Variants in ASCC3 observed in about 807,000 individuals in gnomAD.
The protein encoded by ASCC3 is ASC-1 complex subunit P200.
In ASCC3, 158 loss-of-function variants were observed where a neutral mutation model predicts 256.3. That is an observed-to-expected ratio of 0.62 (90% CI 0.54 to 0.70). The LOEUF (loss-of-function observed/expected upper bound fraction) is 0.70, where lower values mean the gene tolerates loss of function less well. Among genes scored for constraint, ASCC3 ranks in the 30% least tolerant of loss-of-function variants. The pLI, the probability that ASCC3 is intolerant of heterozygous loss-of-function variation, is 0.00. For synonymous variants in ASCC3, 948 were observed against 883.4 expected, an observed-to-expected ratio of 1.07 and a Z score of -1.30; for missense variants, 2,259 against 2,626.0, an observed-to-expected ratio of 0.86 and a Z score of 3.05.
intron 14 of ASCC3, among the ~76,000 whole-genome samples, chr6:100,667,452 T>C (rs1314445809): frequency 1.3e-5 from 2 of 152,102 alleles, no homozygotes; most frequent in African/African-American, 4.8e-5. Flanking sequence ...AAGGAGCCAA[T>C]TCAAGTTTTT....
At chr6:100,783,773 T>A (rs1464842387) in intron 8 of ASCC3, among the ~76,000 whole-genome samples, 1 of 152,206 alleles carries the variant, frequency 6.6e-6, no homozygotes, top group Non-Finnish European at 1.5e-5. Flanking sequence ...GGTAAATACA[T>A]AAGATAATAT....
chr6:100,832,791 G>A (rs1315964233), intron 4 of ASCC3, among the ~76,000 whole-genome samples: 1 of 151,984 alleles, frequency 6.6e-6, no homozygotes, highest in Non-Finnish European at 1.5e-5. Flanking sequence ...AAGGGTAGGG[G>A]AAGAATGATA....
Position 100,821,378 on chromosome 6 carries a change from A to G in ASCC3, c.802-15498T>C, listed in dbSNP as rs896892016. 6.0e-5 allele frequency among the ~76,000 whole-genome samples: 9 copies of G among 149,640 alleles called. No homozygotes were observed. In the Admixed American group the frequency reaches 6.2e-4, roughly 10 times the overall value. The stretch of plus-strand genomic sequence containing the variant: ...AATTCCCTCTAGGTATACACCTAAG[A>G]GAACTGAAATACGTGTCCAATCAAA... On this transcript the variant is annotated intron_variant, in intron 4 of 41. Coordinates refer to ENST00000369162, the MANE Select transcript of ASCC3 (RefSeq NM_006828.4).
chr6:100,615,943 T>A (rs1367742078), intron 30 of ASCC3, among the ~76,000 whole-genome samples: 1 of 152,230 alleles, frequency 6.6e-6, no homozygotes, highest in Non-Finnish European at 1.5e-5. Context: ...GGGGTGGGAA[T>A]TTTGTACCAT....
At chr6:100,768,818 CA>C (rs1042223614) in intron 8 of ASCC3, among the ~76,000 whole-genome samples, 4 of 151,896 alleles carry the variant, frequency 2.6e-5, no homozygotes, top group African/African-American at 9.7e-5. Flanking sequence ...TATTCTTGGT[CA>C]AAAAACAAGT....
rs376888816 is a variant in ASCC3, at chr6:100,582,800, T to C, written c.5550+6834A>G. ...TATTGAGAGTTTTTAGCATGAAGGG[T>C]TGTTGAATTTTGTCAAAGGCCTTTC... On this transcript the variant is annotated intron_variant, in intron 36 of 41. Coordinates refer to ENST00000369162, the MANE Select transcript of ASCC3 (RefSeq NM_006828.4). Among the ~76,000 whole-genome samples the C allele has an allele frequency of 5.3e-5, 8 of 152,016 alleles. No individual in the cohort carries two copies. In the East Asian group the frequency reaches 5.8e-4, roughly 11 times the overall value.
At chr6:100,680,926 A>G (rs1187957121) in intron 13 of ASCC3, among the ~76,000 whole-genome samples, 1 of 152,150 alleles carries the variant, frequency 6.6e-6, no homozygotes, top group Non-Finnish European at 1.5e-5. Context: ...GGCTCATGTG[A>G]GCTGACCTAA....
chr6:100,599,641 G>A (rs539739797), intron 34 of ASCC3, among the ~76,000 whole-genome samples: 4 of 145,696 alleles, frequency 2.7e-5, no homozygotes, highest in Non-Finnish European at 6.0e-5. Context: ...TTTTTTTTTT[G>A]CAATTTAAAA....
At chr6:100,695,040 A>G (rs1030066257) in intron 13 of ASCC3, among the ~76,000 whole-genome samples, 18 of 152,202 alleles carry the variant, frequency 1.2e-4, no homozygotes, top group Non-Finnish European at 1.9e-4. Flanking sequence ...GACAAATCCA[A>G]TAACATTTAC....
Position 100,652,753 on chromosome 6 carries a change from T to A in ASCC3, c.2960A>T (p.His987Leu), listed in dbSNP as rs1169829975. Residue 987 changes from histidine to leucine, a missense_variant, in exon 18 of 42, where the codon CAT (histidine) becomes CTT (leucine). Physicochemically the swap from His to Leu is moderately conservative, Grantham distance 99. Around this residue, in one of 2 missense-constraint regions of ASCC3, gnomAD observed 1,839 missense variants for 2,206.7 expected, o/e 0.83. Coordinates refer to ENST00000369162, the MANE Select transcript of ASCC3 (RefSeq NM_006828.4). ...AATGGTGTTGTATTTAATATAGTAA[T>A]GGCTGGCAGTTCTACCCAAATCAGT... is the stretch of plus-strand genomic sequence containing the variant. ...SSTDLGRTAS[H>L]YYIKYNTIET... is the part of the protein sequence containing the mutation. 1.2e-6 allele frequency: 2 copies of A among 1,613,902 alleles called. No homozygotes were observed. Among genetic ancestry groups the A allele is most frequent in the South Asian group, 1.1e-5 (1 of 91,076 alleles).
intron 37 of ASCC3, among the ~76,000 whole-genome samples, chr6:100,538,126 T>C (rs1292899604): frequency 6.6e-6 from 1 of 151,272 alleles, no homozygotes; most frequent in Non-Finnish European, 1.5e-5. Context: ...AATTACAATG[T>C]ACAATCAATA....
intron 4 of ASCC3, among the ~76,000 whole-genome samples, chr6:100,829,013 C>T (rs1398464030): frequency 6.6e-6 from 1 of 152,120 alleles, no homozygotes; most frequent in Admixed American, 6.5e-5. Flanking sequence ...TTCTCCACGA[C>T]TAGATTAGCT....
At chr6:100,727,259 T>A (rs1779674605) in intron 10 of ASCC3, among the ~76,000 whole-genome samples, 1 of 151,962 alleles carries the variant, frequency 6.6e-6, no homozygotes, top group African/African-American at 2.4e-5. Context: ...ATCTACTAAT[T>A]GAATACTACA....
intron 36 of ASCC3, among the ~76,000 whole-genome samples, chr6:100,562,206 A>C (rs149891770): frequency 2.0e-5 from 3 of 151,428 alleles, no homozygotes; most frequent in African/African-American, 4.9e-5. Context: ...TGTGTGAATA[A>C]TACTACTGTA....
At chr6:100,558,312 C>T (rs572023420) in intron 36 of ASCC3, among the ~76,000 whole-genome samples, 1 of 151,970 alleles carries the variant, frequency 6.6e-6, no homozygotes, top group Non-Finnish European at 1.5e-5. Flanking sequence ...AAGCATTGTA[C>T]CCTGCTTTGA....
At chr6:100,658,068 C>T (rs1582646682) in intron 16 of ASCC3, among the ~76,000 whole-genome samples, 1 of 151,564 alleles carries the variant, frequency 6.6e-6, no homozygotes, top group Non-Finnish European at 1.5e-5. Context: ...ATAGAGTATG[C>T]TCCCTGGCCT....
rs151155155 is a variant in ASCC3 at position 100,679,707 on chromosome 6, T to A, written c.2197A>T (p.Met733Leu). The A allele has an allele frequency of 1.9e-5, 31 of 1,613,576 alleles. No individual in the cohort carries two copies. The highest frequency in any genetic ancestry group is 2.5e-5 in the Non-Finnish European group (30 of 1,179,744). ...TTTTTTGCTCTTTCTATTAGAGACA[T>A]AGCTGTTCTTACAGTGGCATTTCGA... Reference protein sequence around the residue: ...HARNATVRTAMSLIERAKNCG... With the variant: ...HARNATVRTALSLIERAKNCG... Residue 733 changes from methionine to leucine, a missense_variant, in exon 14 of 42, where the codon ATG becomes TTG. This residue lies in a region of ASCC3 where 1,839 missense variants were observed against 2,206.7 expected (regional missense o/e 0.83). Transcript: ENST00000369162.
chr6:100,697,214 AGATAAAAATTACAAAGTGCTATG>A (rs1778130120), intron 13 of ASCC3, among the ~76,000 whole-genome samples: 1 of 152,068 alleles, frequency 6.6e-6, no homozygotes, highest in South Asian at 2.1e-4. Context: ...AAACAAAACA[AGATAAAAATTACAAAGTGCTATG>A]GTAAAAAAAA....
chr6:100,750,742 G>T lies in ASCC3; in HGVS notation c.1737+15823C>A, dbSNP rs74774604. Among the ~76,000 whole-genome samples, 1,052 of 152,006 alleles carry T rather than the reference G, an allele frequency of 6.9e-3. 10 individuals are homozygous for T. The highest frequency in any genetic ancestry group is 0.011 in the Non-Finnish European group (765 of 67,880). On this transcript the variant is annotated intron_variant, in intron 10 of 41. Transcript: ENST00000369162. ...TTCACCATTCTTTTATAAAACATTA[G>T]ATGCTTAACAAACAAAAGCAAACAA...
Sources: gnomAD v4.1 joint callset for allele counts (sites outside exome capture counted in the v4.1 genomes callset) on GRCh38, gnomAD v4.1.1 for gene constraint, gnomAD v4.1.1 regional missense constraint, MANE v1.5 for transcripts, NCBI Gene and HGNC (gene_info 2026-07-23, HGNC 2026-07-21) for gene names.